The following DAZL variants were observed in gnomAD, a reference collection of about 807,000 sequenced individuals.
DAZL encodes deleted in azoospermia-like.
DAZL carries 4 observed loss-of-function variants against 45.0 expected under a neutral mutation model. The ratio of observed to expected loss-of-function variants is 0.09; its 90% CI spans 0.04 to 0.20. DAZL has a LOEUF of 0.20. Ranked by LOEUF, DAZL falls within the 10% of genes least tolerant of loss-of-function variation. DAZL has a pLI of 1.00. For synonymous variants in DAZL, 122 were observed against 112.4 expected (o/e 1.09, Z -0.54); for missense variants, 326 against 351.3 (o/e 0.93, Z 0.58).
intron 2 of DAZL, 33 bp downstream of exon 2, chr3:16,598,419 T>G: frequency 6.2e-7 from 1 of 1,601,734 alleles, no homozygotes; most frequent in Non-Finnish European, 8.5e-7. Flanking sequence ...TCATAATGCA[T>G]TTCAAGGTAA....
chr3:16,600,577 C>T (rs74525566), intron 1 of DAZL, among the ~76,000 whole-genome samples: 1 of 152,112 alleles, frequency 6.6e-6, no homozygotes, highest in African/African-American at 2.4e-5. Context: ...CTATTAGGAA[C>T]CTGATTAGAT....
At position 16,597,054 on chromosome 3, in the gene DAZL, G is replaced by A; in HGVS notation, c.295-3C>T. 1 of 1,611,160 alleles carries A rather than the reference G, an allele frequency of 6.2e-7. No individual in the cohort carries two copies. Reference sequence around the variant, plus strand: ...TTACCATGGAAATTTATCTGTGACTGAAAATAAAACAGTAACAAAACTAGA... The same window carrying A: ...TTACCATGGAAATTTATCTGTGACTAAAAATAAAACAGTAACAAAACTAGA... On this transcript the variant is annotated splice_region_variant and splice_polypyrimidine_tract_variant and intron_variant, in intron 4 of 10. Coordinates refer to ENST00000399444, the MANE Select transcript of DAZL (RefSeq NM_001351.4).
chr3:16,605,327 G>C lies in DAZL; in HGVS notation c.-122C>G. On this transcript the variant is annotated 5_prime_UTR_variant, in exon 1 of 11. Coordinates refer to ENST00000399444, the MANE Select transcript of DAZL (RefSeq NM_001351.4). ...CGCTGCGCGGCTTCGAGTGGTCAAA[G>C]GAGCCAAAGATGAAGAGAAAAGGAA... The C allele has an allele frequency of 8.2e-7, 1 of 1,226,296 alleles. No individual in the cohort carries two copies. The highest frequency in any genetic ancestry group is 2.3e-5 in the East Asian group (1 of 43,052). The allele number at this position is 1,226,296 out of a possible 1,614,324, so 76.0% of individuals were successfully genotyped here. A position where few individuals can be genotyped will look rare whatever the true frequency, so the allele number is the denominator to read the frequency against.
intron 1 of DAZL, among the ~76,000 whole-genome samples, chr3:16,602,666 G>A (rs192404285): frequency 4.7e-4 from 71 of 152,246 alleles, no homozygotes; most frequent in African/African-American, 1.6e-3. Context: ...GGAAATGCAA[G>A]AATACTTCAC....
At chr3:16,596,915 C>T (rs1211878587) in intron 5 of DAZL, 26 bp from the exon 6 acceptor site, 2 of 1,613,528 alleles carry the variant, frequency 1.2e-6, no homozygotes, top group Non-Finnish European at 1.7e-6. Flanking sequence ...AAAGAAAAGG[C>T]CTATTTTTAG....
In DAZL at chr3:16,601,879, T is replaced by G. The variant is rs9850699; in HGVS notation, c.4-3281A>C. 6.4e-3 allele frequency among the ~76,000 whole-genome samples: 978 copies of G among 152,264 alleles called. 11 individuals carry two copies. Among genetic ancestry groups the G allele is most frequent in the African/African-American group, 0.021 (889 of 41,560 alleles). ...ACAGCTAAAAGCTGGAAAAAATTAT[T>G]ATGTAACTCCTGGGATGTCAGCTTC... On this transcript the variant is annotated intron_variant, in intron 1 of 10. Transcript: ENST00000399444.
intron 7 of DAZL, among the ~76,000 whole-genome samples, chr3:16,595,111 T>G (rs1694578543): frequency 6.6e-6 from 1 of 152,082 alleles, no homozygotes; most frequent in African/African-American, 2.4e-5. Flanking sequence ...TAGAGAAAAG[T>G]TATTGCTAAG....
intron 1 of DAZL, among the ~76,000 whole-genome samples, chr3:16,603,238 T>G (rs1694719555): frequency 6.6e-6 from 1 of 152,194 alleles, no homozygotes; most frequent in Non-Finnish European, 1.5e-5. Context: ...TAACTTAAAA[T>G]TGTTACCAAA....
Position 16,594,535 on chromosome 3 carries a change from G to C in DAZL, c.619C>G (p.Pro207Ala), listed in dbSNP as rs763328547. The change falls in exon 8 of 11, where the codon CCG (proline) becomes GCG (alanine). Residue 207 changes from proline to alanine, a missense_variant and splice_region_variant. This residue lies in a region of DAZL where 227 missense variants were observed against 216.6 expected (regional missense o/e 1.05). Coordinates refer to ENST00000399444, the MANE Select transcript of DAZL (RefSeq NM_001351.4). Reference protein sequence around the residue: ...VGEQRSYVVPPAYSAVNYHCN... With the variant: ...VGEQRSYVVPAAYSAVNYHCN... ...TATGTTTGGCTAATTCACTTTACCG[G>C]AGGTACAACATAGCTCCTTTGCTCC... 2 of 1,589,016 alleles carry C rather than the reference G, an allele frequency of 1.3e-6. No homozygotes were observed. Among genetic ancestry groups the C allele is most frequent in the Non-Finnish European group, 1.7e-6 (2 of 1,169,078 alleles).
At chr3:16,595,534 T>C in intron 6 of DAZL, 149 bp from the exon 7 acceptor site, 2 of 537,408 alleles carry the variant, frequency 3.7e-6, no homozygotes, top group South Asian at 6.4e-5. Context: ...ACTGACTTTA[T>C]GAAGAAAGAA....
At chr3:16,599,760 A>G (rs1426622646) in intron 1 of DAZL, among the ~76,000 whole-genome samples, 1 of 152,206 alleles carries the variant, frequency 6.6e-6, no homozygotes, top group Non-Finnish European at 1.5e-5. Flanking sequence ...TAGAATTTGT[A>G]AGTAATATAT....
At chr3:16,596,237 C>T (rs182720771) in intron 6 of DAZL, among the ~76,000 whole-genome samples, 2,446 of 152,118 alleles carry the variant, frequency 0.016, 69 homozygotes, top group African/African-American at 0.056. Flanking sequence ...TCAAATCCTA[C>T]TTTAAATATC....
In DAZL at chr3:16,587,870, C is replaced by T. The variant is rs746257904; in HGVS notation, c.*790G>A. 1 of 152,830 alleles carries T rather than the reference C, an allele frequency of 6.5e-6. No homozygotes were observed. Among genetic ancestry groups the T allele is most frequent in the Non-Finnish European group, 1.5e-5 (1 of 68,226 alleles). 9.5% of individuals were successfully genotyped at this position (152,830 alleles called of 1,614,324 possible). A position where few individuals can be genotyped will look rare whatever the true frequency, so the allele number is the denominator to read the frequency against. On this transcript the variant is annotated 3_prime_UTR_variant, in exon 11 of 11. Coordinates refer to ENST00000399444, the MANE Select transcript of DAZL (RefSeq NM_001351.4). ...CCAATATTTTGCACAATTTGACATA[C>T]AGCCAAGTTTAGCATTTCAAAGAAA...
At chr3:16,592,588 G>T (rs972625053) in intron 9 of DAZL, among the ~76,000 whole-genome samples, 3 of 143,000 alleles carry the variant, frequency 2.1e-5, no homozygotes, top group African/African-American at 7.7e-5. Context: ...AAAAAAAAAA[G>T]AAATTCATAA....
chr3:16,595,518 T>C, intron 6 of DAZL, 133 bp from the exon 7 acceptor site: 2 of 550,572 alleles, frequency 3.6e-6, no homozygotes, highest in South Asian at 3.0e-5. Context: ...GAATTCTAAA[T>C]GCATGACTGA....
chr3:16,594,121 C>T (rs1200119591), intron 8 of DAZL, among the ~76,000 whole-genome samples: 1 of 152,154 alleles, frequency 6.6e-6, no homozygotes, highest in Non-Finnish European at 1.5e-5. Flanking sequence ...TGTTTTATTC[C>T]TATTTTTATT....
chr3:16,591,939 CA>C (rs1353255594), intron 10 of DAZL, 110 bp downstream of exon 10: 2 of 1,273,260 alleles, frequency 1.6e-6, no homozygotes, highest in Non-Finnish European at 2.3e-6. Context: ...CAAATGCCAA[CA>C]GTTAATTAAA....
intron 1 of DAZL, among the ~76,000 whole-genome samples, chr3:16,602,839 A>G (rs745768416): frequency 6.6e-6 from 1 of 152,220 alleles, no homozygotes; most frequent in Non-Finnish European, 1.5e-5. Flanking sequence ...TACTAGAGTC[A>G]TCTCCATTGA....
chr3:16,596,329 C>A (rs1694598923), intron 6 of DAZL, among the ~76,000 whole-genome samples: 1 of 152,102 alleles, frequency 6.6e-6, no homozygotes. Context: ...CTACCCATTC[C>A]AGAACCAGAA....
Sources: allele counts gnomAD v4.1 joint callset (sites outside exome capture counted in the v4.1 genomes callset), GRCh38; gene constraint gnomAD v4.1.1; regional missense constraint gnomAD v4.1.1; transcripts MANE v1.5; gene names NCBI Gene and HGNC (gene_info 2026-07-23, HGNC 2026-07-21).